Variants in URI1 observed in about 807,000 individuals in gnomAD.
URI1 encodes the protein URI1 prefoldin like chaperone.
Under a neutral mutation model 60.2 loss-of-function variants are expected in URI1, and 39 were observed. The observed-to-expected ratio is 0.65, with a 90% CI of 0.50 to 0.85. The LOEUF (loss-of-function observed/expected upper bound fraction) is 0.85, where lower values mean the gene tolerates loss of function less well. Ranked by LOEUF, URI1 falls within the 40% of genes least tolerant of loss-of-function variation. URI1 has a pLI of 0.00. For missense variants in URI1, 691 were observed against 665.9 expected, an observed-to-expected ratio of 1.04 and a Z score of -0.42; for synonymous variants, 251 against 236.8, an observed-to-expected ratio of 1.06 and a Z score of -0.55.
At chr19:29,954,278 A>T (rs993775479) in intron 1 of URI1, among the ~76,000 whole-genome samples, 5 of 152,216 alleles carry the variant, frequency 3.3e-5, no homozygotes, top group African/African-American at 1.2e-4. Context: ...GTGTACAGTT[A>T]GGGTACTGAT....
intron 1 of URI1, among the ~76,000 whole-genome samples, chr19:29,934,859 CA>C (rs2054955553): frequency 6.6e-6 from 1 of 152,196 alleles, no homozygotes; most frequent in Admixed American, 6.5e-5. Flanking sequence ...CATAAGCCAA[CA>C]TGCCCATATT....
intron 1 of URI1, chr19:29,956,221 T>G: frequency 2.2e-6 from 1 of 462,392 alleles, no homozygotes; most frequent in Middle Eastern, 6.2e-4. Flanking sequence ...CCTCAGGTGA[T>G]CCACCTGTCT....
intron 4 of URI1, among the ~76,000 whole-genome samples, chr19:29,997,811 C>A (rs2055831165): frequency 6.6e-6 from 1 of 152,186 alleles, no homozygotes; most frequent in Non-Finnish European, 1.5e-5. Context: ...GTTGCCCTGG[C>A]TGGAGTGCAG....
intron 1 of URI1, among the ~76,000 whole-genome samples, chr19:29,964,430 A>AGTG (rs1260836066): frequency 6.7e-6 from 1 of 149,358 alleles, no homozygotes; most frequent in Non-Finnish European, 1.5e-5. Flanking sequence ...TCTCACTGAC[A>AGTG]GTGGTGGTTT....
intron 4 of URI1, among the ~76,000 whole-genome samples, chr19:29,992,538 TTTAGA>T: frequency 6.6e-6 from 1 of 152,344 alleles, no homozygotes; most frequent in Non-Finnish European, 1.5e-5. Flanking sequence ...CTTGTCCTCT[TTTAGA>T]TTATTTAATA....
At chr19:29,976,815 T>A (rs1164467141) in intron 2 of URI1, among the ~76,000 whole-genome samples, 1 of 152,216 alleles carries the variant, frequency 6.6e-6, no homozygotes, top group East Asian at 1.9e-4. Context: ...GGATTTTTGG[T>A]AAAGGTATCT....
Position 30,009,316 on chromosome 19 carries a change from C to T in URI1, c.998C>T (p.Pro333Leu), listed in dbSNP as rs777640300. 6.2e-7 allele frequency: 1 copy of T among 1,613,892 alleles called. No homozygotes were observed. The highest frequency in any genetic ancestry group is 1.1e-5 in the South Asian group (1 of 91,058). The change falls in exon 8 of 11, where the codon CCA becomes CTA. Residue 333 changes from proline (P) to leucine (L), a missense_variant. Transcript: ENST00000392271. Reference sequence around the variant, plus strand: ...TTAGGGGTTGGAGATAATTCTATACCAACAATATATTTTTCACATACTGTT... The same window carrying T: ...TTAGGGGTTGGAGATAATTCTATACTAACAATATATTTTTCACATACTGTT... ...EALGVGDNSI[P>L]TIYFSHTVEP...
chr19:29,956,353 C>A, intron 1 of URI1: 6 of 823,796 alleles, frequency 7.3e-6, no homozygotes, highest in African/African-American at 1.8e-5. Flanking sequence ...TGAAATATCA[C>A]AAGTATGTCT....
At chr19:29,970,633 G>GAGCT (rs2055447417) in intron 1 of URI1, among the ~76,000 whole-genome samples, 1 of 152,128 alleles carries the variant, frequency 6.6e-6, no homozygotes, top group South Asian at 2.1e-4. Context: ...GGGAACAAAT[G>GAGCT]AGCTGTTCAG....
At chr19:29,944,276 A>G (rs1458038769) in intron 1 of URI1, among the ~76,000 whole-genome samples, 2 of 148,288 alleles carry the variant, frequency 1.3e-5, no homozygotes, top group Non-Finnish European at 3.0e-5. Flanking sequence ...GAAGAAAGAA[A>G]AAACAGCCCC....
intron 1 of URI1, among the ~76,000 whole-genome samples, chr19:29,925,377 G>T (rs1330419830): frequency 6.6e-6 from 1 of 152,176 alleles, no homozygotes; most frequent in Non-Finnish European, 1.5e-5. Flanking sequence ...GGAGGCAGGG[G>T]GAGGCTGCCT....
chr19:29,942,443 G>C lies in URI1; in HGVS notation c.-105G>C. 1.1e-5 allele frequency: 11 copies of C among 993,580 alleles called. No individual in the cohort carries two copies. Among genetic ancestry groups the C allele is most frequent in the Non-Finnish European group, 1.2e-5 (10 of 835,996 alleles). The allele number at this position is 993,580 out of a possible 1,614,324, so 61.5% of individuals were successfully genotyped here. A position where few individuals can be genotyped will look rare whatever the true frequency, so the allele number is the denominator to read the frequency against. On this transcript the variant is annotated 5_prime_UTR_variant, in exon 1 of 11. Coordinates refer to ENST00000392271, the MANE Select transcript of URI1 (RefSeq NM_003796.3). ...GCGGCCTCCTGGGCGCGGGGCGCGC[G>C]GTGCCTGAGGGCGGGCGCGCGGGCG...
chr19:29,938,836 C>T (rs2054996133), upstream of URI1, among the ~76,000 whole-genome samples: 1 of 151,858 alleles, frequency 6.6e-6, no homozygotes, highest in Non-Finnish European at 1.5e-5. Context: ...GCCACCACAC[C>T]TGGCTAATTT....
At chr19:29,951,127 T>C (rs2055174480) in intron 1 of URI1, among the ~76,000 whole-genome samples, 4 of 152,176 alleles carry the variant, frequency 2.6e-5, no homozygotes, top group Admixed American at 2.6e-4. Context: ...CGTGATTACA[T>C]AGATGATGAT....
In URI1 at chr19:30,007,621, G is replaced by C. The variant is rs765496747; in HGVS notation, c.669G>C (p.Leu223Phe). ...RLEELERQEE[L>F]LGELDSKPDT... ...AAGAACTAGAGAGACAGGAAGAATTGCTGGGTGAACTTGATAGGTACTTGA... is the reference window on the plus strand; with the variant it reads ...AAGAACTAGAGAGACAGGAAGAATTCCTGGGTGAACTTGATAGGTACTTGA... Residue 223 changes from leucine (L) to phenylalanine (F), a missense_variant, in exon 7 of 11, where the codon TTG (leucine) becomes TTC (phenylalanine). Coordinates refer to ENST00000392271, the MANE Select transcript of URI1 (RefSeq NM_003796.3). 3 of 1,607,408 alleles carry C rather than the reference G, an allele frequency of 1.9e-6. No homozygotes were observed. The East Asian group carries it at 6.7e-5, about 36-fold the overall frequency.
At chr19:29,962,305 T>C (rs931260563) in intron 1 of URI1, among the ~76,000 whole-genome samples, 1 of 151,838 alleles carries the variant, frequency 6.6e-6, no homozygotes, top group Admixed American at 6.6e-5. Context: ...TTTGTATTGT[T>C]ATTTCCTCCT....
chr19:29,968,299 T>G (rs960779230), intron 1 of URI1, among the ~76,000 whole-genome samples: 2 of 152,138 alleles, frequency 1.3e-5, no homozygotes, highest in Non-Finnish European at 2.9e-5. Context: ...AAAACTAGTT[T>G]TGTTCTTCCA....
chr19:30,006,783 T>G (rs1295754972), intron 6 of URI1, among the ~76,000 whole-genome samples: 1 of 152,104 alleles, frequency 6.6e-6, no homozygotes, highest in African/African-American at 2.4e-5. Context: ...AATAAAGCCT[T>G]AATTTGCTTT....
intron 1 of URI1, among the ~76,000 whole-genome samples, chr19:29,945,340 A>G (rs1341906833): frequency 6.6e-6 from 1 of 152,040 alleles, no homozygotes; most frequent in Non-Finnish European, 1.5e-5. Context: ...TTTTTTTCCA[A>G]ATTCAGCTAA....
Sources: allele counts gnomAD v4.1 joint callset (sites outside exome capture counted in the v4.1 genomes callset), GRCh38; gene constraint gnomAD v4.1.1; transcripts MANE v1.5; gene names NCBI Gene and HGNC (gene_info 2026-07-23, HGNC 2026-07-21).